The following MLKL variants were observed in gnomAD, a reference collection of about 807,000 sequenced individuals.
The protein encoded by MLKL is mixed lineage kinase domain-like protein.
In MLKL, 55 loss-of-function variants were observed where a neutral mutation model predicts 56.5. The observed-to-expected ratio is 0.97, with a 90% confidence interval of 0.78 to 1.22. The LOEUF is 1.22. Among genes scored for constraint, MLKL ranks in the 50% most tolerant of loss-of-function variants. MLKL has a pLI of 0.00. For synonymous variants in MLKL, 251 were observed against 208.3 expected (o/e 1.20, Z -1.76); for missense variants, 694 against 573.9 (o/e 1.21, Z -2.14).
chr16:74,684,086 T>G (rs1046875501), intron 5 of MLKL, among the ~76,000 whole-genome samples: 1 of 151,938 alleles, frequency 6.6e-6, no homozygotes, highest in Admixed American at 6.6e-5. Context: ...TAGCTGGGAC[T>G]ACAGGCACCC....
chr16:74,673,571 G>A (rs1959374196), intron 10 of MLKL, among the ~76,000 whole-genome samples: 1 of 151,952 alleles, frequency 6.6e-6, no homozygotes, highest in Non-Finnish European at 1.5e-5. Flanking sequence ...TAGGTCTAGG[G>A]TATGAGAGAG....
chr16:74,695,431 C>G lies in MLKL; in HGVS notation c.327G>C (p.Trp109Cys), dbSNP rs754281531. The stretch of plus-strand genomic sequence containing the variant: ...CCTGAAGTAACAGCGAGAGCTCCTT[C>G]CAGACATCACTCAGCTTCCTGTTCA... Reference protein sequence around the residue: ...KDVNRKLSDVWKELSLLLQVE... With the variant: ...KDVNRKLSDVCKELSLLLQVE... The change falls in exon 2 of 11, where the codon TGG becomes TGC. Residue 109 changes from tryptophan (W) to cysteine (C), a missense_variant. Transcript: ENST00000308807. 6.2e-7 allele frequency: 1 copy of G among 1,614,234 alleles called. No individual in the cohort carries two copies. The highest frequency in any genetic ancestry group is 1.1e-5 in the South Asian group (1 of 91,090).
chr16:74,699,594 G>T (rs955285340), intron 1 of MLKL, among the ~76,000 whole-genome samples: 1 of 152,108 alleles, frequency 6.6e-6, no homozygotes, highest in South Asian at 2.1e-4. Flanking sequence ...GATGGCTACC[G>T]AGATGTTCAC....
rs185833033 is a variant in MLKL, at chr16:74,675,033, G to A, written c.1308C>T (p.Asp436=). The change falls in exon 10 of 11, where the codon GAC becomes GAT. Residue 436 remains aspartate (D), a synonymous_variant. Transcript: ENST00000308807. Reference sequence around the variant, plus strand: ...TGATCTCCCGCAGCTCTGAAGGGCAGTCTTCACCCAGTGGCTCCTGCTGCC... The same window carrying A: ...TGATCTCCCGCAGCTCTGAAGGGCAATCTTCACCCAGTGGCTCCTGCTGCC... ...VKRQQEPLGE[D]CPSELREIID... 2 of 1,614,226 alleles carry A rather than the reference G, an allele frequency of 1.2e-6. No individual in the cohort carries two copies. Among genetic ancestry groups the A allele is most frequent in the East Asian group, 2.2e-5 (1 of 44,878 alleles).
chr16:74,686,107 G>A (rs1157615533), intron 4 of MLKL, among the ~76,000 whole-genome samples: 1 of 151,982 alleles, frequency 6.6e-6, no homozygotes, highest in Non-Finnish European at 1.5e-5. Context: ...CTACAGGTGC[G>A]TGCCACCATG....
At chr16:74,696,147 C>A (rs1037860639) in intron 1 of MLKL, among the ~76,000 whole-genome samples, 1 of 152,144 alleles carries the variant, frequency 6.6e-6, no homozygotes, top group Non-Finnish European at 1.5e-5. Flanking sequence ...GGTGGTGGAG[C>A]CCCAAGAAGA....
intron 1 of MLKL, among the ~76,000 whole-genome samples, chr16:74,698,753 G>A (rs939873621): frequency 5.3e-5 from 8 of 152,146 alleles, no homozygotes; most frequent in African/African-American, 1.2e-4. Context: ...GGAAAATGGG[G>A]AAAATATCCC....
At chr16:74,672,675 A>G in intron 10 of MLKL, 137 bp from the exon 11 acceptor site, 1 of 741,800 alleles carries the variant, frequency 1.3e-6, no homozygotes, top group Non-Finnish European at 2.3e-6. Flanking sequence ...AACCACCATC[A>G]GCACTCACAC....
intron 8 of MLKL, 103 bp from the exon 9 acceptor site, chr16:74,675,507 A>C: frequency 1.3e-6 from 2 of 1,568,240 alleles, no homozygotes; most frequent in South Asian, 2.3e-5. Context: ...ATTACTACCC[A>C]ATTTCATTCA....
intron 6 of MLKL, among the ~76,000 whole-genome samples, chr16:74,681,271 C>G (rs1017736256): frequency 6.6e-6 from 1 of 152,094 alleles, no homozygotes; most frequent in African/African-American, 2.4e-5. Context: ...AGTGATCCAC[C>G]TGCCTTGGCC....
At chr16:74,682,238 ACT>A (rs770066239) in intron 6 of MLKL, among the ~76,000 whole-genome samples, 2 of 152,034 alleles carry the variant, frequency 1.3e-5, no homozygotes, top group African/African-American at 2.4e-5. Flanking sequence ...AGAGAGTGAG[ACT>A]CTGTCTCAAA....
chr16:74,696,921 C>T (rs11149761), intron 1 of MLKL, among the ~76,000 whole-genome samples: 114,762 of 144,516 alleles, frequency 0.79, 45,101 homozygotes, highest in South Asian at 0.85. Flanking sequence ...AAATGTAATA[C>T]ATTACATATA....
rs748989197 is a variant in MLKL at position 74,695,331 on chromosome 16, C to T, written c.427G>A (p.Glu143Lys). The T allele has an allele frequency of 4.3e-6, 7 of 1,614,014 alleles. No individual in the cohort carries two copies. The highest frequency in any genetic ancestry group is 2.2e-5 in the East Asian group (1 of 44,890). ...AGCATCTGGAAAGCTCGCCTGTCTT[C>T]GTCTGCATCCTGCTGATCTTCCTGT... The part of the protein sequence containing the change: ...WAQEDQQDAD[E>K]DRRAFQMLRR... Residue 143 changes from glutamate (E) to lysine (K), a missense_variant, in exon 2 of 11, where the codon GAA (glutamate) becomes AAA (lysine). Coordinates refer to ENST00000308807, the MANE Select transcript of MLKL (RefSeq NM_152649.4).
intron 7 of MLKL, 73 bp downstream of exon 7, chr16:74,678,826 G>T: frequency 9.5e-7 from 1 of 1,051,324 alleles, no homozygotes; most frequent in Non-Finnish European, 1.5e-6. Flanking sequence ...AAGCCTTTCT[G>T]AGACACTCGT....
At chr16:74,679,032 G>T in intron 6 of MLKL, 52 bp from the exon 7 acceptor site, 1 of 1,441,964 alleles carries the variant, frequency 6.9e-7, no homozygotes, top group Non-Finnish European at 9.8e-7. Flanking sequence ...AACTTTCTTT[G>T]GGGGACTGAC....
intron 2 of MLKL, among the ~76,000 whole-genome samples, chr16:74,693,111 A>C (rs1467562511): frequency 6.6e-6 from 1 of 152,166 alleles, no homozygotes; most frequent in Non-Finnish European, 1.5e-5. Context: ...ACAGTCTTTG[A>C]CCTAGTGATT....
At chr16:74,682,352 G>A (rs368974226) in intron 6 of MLKL, among the ~76,000 whole-genome samples, 49 of 152,208 alleles carry the variant, frequency 3.2e-4, no homozygotes, top group African/African-American at 9.1e-4. Context: ...CTTTCCTAAC[G>A]TTCAAATTTA....
chr16:74,680,628 T>G (rs1468990616), intron 6 of MLKL, among the ~76,000 whole-genome samples: 1 of 152,120 alleles, frequency 6.6e-6, no homozygotes, highest in East Asian at 1.9e-4. Context: ...TGCCTCAGCC[T>G]TACGAGTAGC....
intron 4 of MLKL, among the ~76,000 whole-genome samples, chr16:74,690,486 C>T (rs758346445): frequency 6.6e-6 from 1 of 151,616 alleles, no homozygotes; most frequent in African/African-American, 2.4e-5. Context: ...TAGGTTCCAT[C>T]ACTGGAAAAA....
Sources: allele counts gnomAD v4.1 joint callset (sites outside exome capture counted in the v4.1 genomes callset), GRCh38; gene constraint gnomAD v4.1.1; transcripts MANE v1.5; gene names NCBI Gene and HGNC (gene_info 2026-07-23, HGNC 2026-07-21).